ETFA: variants seen among roughly 807,000 people sequenced by gnomAD.
ETFA encodes the protein electron transfer flavoprotein subunit alpha, mitochondrial.
A neutral mutation model predicts 46.2 loss-of-function variants in ETFA; 22 were observed. The ratio of observed to expected loss-of-function variants is 0.48; its 90% CI spans 0.34 to 0.68. ETFA has a LOEUF of 0.68. ETFA is among the 30% of genes least tolerant of loss of function. The pLI is 0.01. For synonymous variants in ETFA, 131 were observed against 139.9 expected, an observed-to-expected ratio of 0.94 and a Z score of 0.45; for missense variants, 345 against 401.1, an observed-to-expected ratio of 0.86 and a Z score of 1.19.
chr15:76,261,838 A>G (rs1254797864), intron 9 of ETFA: 1 of 171,242 alleles, frequency 5.8e-6, no homozygotes, highest in Non-Finnish European at 1.2e-5. Flanking sequence ...ACAATGCATA[A>G]TATTATAAAG....
chr15:76,258,970 G>A, intron 9 of ETFA: 1 of 1,576,340 alleles, frequency 6.3e-7, no homozygotes, highest in Non-Finnish European at 8.7e-7. Flanking sequence ...TTGCCCTGAT[G>A]CCCTCTGCCT....
At chr15:76,270,768 C>T (rs2039521369) in intron 9 of ETFA, among the ~76,000 whole-genome samples, 1 of 152,100 alleles carries the variant, frequency 6.6e-6, no homozygotes, top group East Asian at 1.9e-4. Flanking sequence ...CTCTCACTAG[C>T]CAAACATGGG....
intron 1 of ETFA, among the ~76,000 whole-genome samples, chr15:76,307,027 C>T (rs1216586027): frequency 6.6e-6 from 1 of 152,176 alleles, no homozygotes; most frequent in African/African-American, 2.4e-5. Flanking sequence ...TGTTCCTTCA[C>T]ACCAGTTTCA....
chr15:76,252,876 T>TACACACACACAC (rs34804508), intron 9 of ETFA, among the ~76,000 whole-genome samples: 1,711 of 147,528 alleles, frequency 0.012, 29 homozygotes, highest in African/African-American at 0.039. Context: ...TGTATGTGTA[T>TACACACACACAC]ACACACACAC....
At chr15:76,263,395 G>C (rs1436189500) in intron 9 of ETFA, among the ~76,000 whole-genome samples, 2 of 152,242 alleles carry the variant, frequency 1.3e-5, no homozygotes, top group Admixed American at 6.5e-5. Context: ...AGCGGAGGAT[G>C]CATCGTCAGA....
At chr15:76,240,284 A>T (rs1190346945) in intron 9 of ETFA, among the ~76,000 whole-genome samples, 1 of 152,184 alleles carries the variant, frequency 6.6e-6, no homozygotes, top group African/African-American at 2.4e-5. Context: ...GGCTCAGTAG[A>T]TGGACTTGGT....
rs527307253 is a variant in ETFA at position 76,236,410 on chromosome 15, A to T, written c.817-5012T>A. On this transcript the variant is annotated intron_variant, in intron 9 of 11. Coordinates refer to ENST00000557943, the MANE Select transcript of ETFA (RefSeq NM_000126.4). ...TATATTTCAAGTACCCAATAATCACATGTGGCTTAGAGGTTATCATACTGG... is the reference window on the plus strand; with the variant it reads ...TATATTTCAAGTACCCAATAATCACTTGTGGCTTAGAGGTTATCATACTGG... 4.8e-4 allele frequency among the ~76,000 whole-genome samples: 73 copies of T among 152,368 alleles called. 1 individual carries two copies. The South Asian group carries it at 0.015, about 31-fold the overall frequency.
chr15:76,295,936 C>CTTTTTTTTTTGTTTTTTTTTTTTT (rs2039816808), intron 1 of ETFA, among the ~76,000 whole-genome samples, 199 bp from the exon 2 acceptor site: 1 of 46,602 alleles, frequency 2.1e-5, no homozygotes, highest in Non-Finnish European at 4.2e-5. Context: ...CACTAATATT[C>CTTTTTTTTTTGTTTTTTTTTTTTT]TTTTTTTTTT....
intron 9 of ETFA, chr15:76,260,165 T>C: frequency 6.9e-7 from 1 of 1,440,956 alleles, no homozygotes; most frequent in Non-Finnish European, 9.8e-7. Context: ...ACTGCTGCTC[T>C]GGGATGAGCA....
At chr15:76,253,871 T>C (rs2039325422) in intron 9 of ETFA, among the ~76,000 whole-genome samples, 1 of 152,224 alleles carries the variant, frequency 6.6e-6, no homozygotes, top group African/African-American at 2.4e-5. Flanking sequence ...AGTAATGCAT[T>C]CAATTCTGGG....
At chr15:76,244,655 T>A (rs1401567601) in intron 9 of ETFA, among the ~76,000 whole-genome samples, 1 of 141,114 alleles carries the variant, frequency 7.1e-6, no homozygotes, top group East Asian at 2.5e-4. Context: ...AATACATTGG[T>A]TTTTATAGGA....
intron 8 of ETFA, among the ~76,000 whole-genome samples, chr15:76,281,216 A>G (rs1413325845): frequency 3.3e-5 from 5 of 151,628 alleles, no homozygotes; most frequent in Non-Finnish European, 2.9e-5. Flanking sequence ...CGTGGGCCAG[A>G]CTGGTCTTGA....
chr15:76,215,972 G>C lies in ETFA; in HGVS notation c.*587C>G, dbSNP rs1197213133. The C allele has an allele frequency of 6.6e-6, 1 of 152,272 alleles. No individual in the cohort carries two copies. The highest frequency in any genetic ancestry group is 2.4e-5 in the African/African-American group (1 of 41,452). The allele number at this position is 152,272 out of a possible 1,614,324, so 9.4% of individuals were successfully genotyped here. On this transcript the variant is annotated 3_prime_UTR_variant, in exon 12 of 12. Transcript: ENST00000557943. ...TTACCTTAAGCCAACTAAATACATGGAGCTGGGTCAGGTTTAAGTCAGGTC... is the reference window on the plus strand; with the variant it reads ...TTACCTTAAGCCAACTAAATACATGCAGCTGGGTCAGGTTTAAGTCAGGTC...
At chr15:76,247,224 T>C (rs987640685) in intron 9 of ETFA, among the ~76,000 whole-genome samples, 1 of 152,192 alleles carries the variant, frequency 6.6e-6, no homozygotes, top group Admixed American at 6.5e-5. Flanking sequence ...CAAGGATTTG[T>C]AGGAGTGCAC....
intron 9 of ETFA, among the ~76,000 whole-genome samples, chr15:76,253,028 C>G (rs1411010155): frequency 1.3e-5 from 2 of 151,958 alleles, no homozygotes; most frequent in African/African-American, 4.8e-5. Context: ...ATCCTCCCAC[C>G]TCAGTCTCCT....
At chr15:76,281,991 C>A (rs1276797766) in intron 8 of ETFA, among the ~76,000 whole-genome samples, 2 of 150,710 alleles carry the variant, frequency 1.3e-5, no homozygotes, top group South Asian at 4.2e-4. Flanking sequence ...GCAACCTCCG[C>A]CTTCTAGGTT....
chr15:76,279,076 C>A (rs1184973058), intron 8 of ETFA, among the ~76,000 whole-genome samples: 2 of 152,204 alleles, frequency 1.3e-5, no homozygotes, highest in African/African-American at 4.8e-5. Flanking sequence ...CCTCTTCTAG[C>A]TACCATCCAT....
chr15:76,225,715 T>C, intron 11 of ETFA, 134 bp downstream of exon 11: 2 of 742,772 alleles, frequency 2.7e-6, no homozygotes, highest in East Asian at 2.5e-5. Context: ...TGTGTACATA[T>C]ATTAACAGTA....
chr15:76,259,641 G>A (rs1434377307), intron 9 of ETFA: 4 of 898,642 alleles, frequency 4.5e-6, no homozygotes, highest in Non-Finnish European at 7.6e-6. Context: ...GGGCAATTTG[G>A]AGGCACAGCC....
Sources: allele counts gnomAD v4.1 joint callset (sites outside exome capture counted in the v4.1 genomes callset), GRCh38; gene constraint gnomAD v4.1.1; transcripts MANE v1.5; gene names NCBI Gene and HGNC (gene_info 2026-07-23, HGNC 2026-07-21).